Variants in LINGO2 observed in about 807,000 individuals in gnomAD.
LINGO2 encodes leucine rich repeat and Ig domain containing 2.
Under a neutral mutation model 30.6 loss-of-function variants are expected in LINGO2, and 14 were observed. That is an observed-to-expected ratio of 0.46 (90% CI 0.30 to 0.72). LINGO2 has a LOEUF of 0.72. LINGO2 is among the 30% of genes least tolerant of loss of function. The pLI is 0.07. For missense variants in LINGO2, 729 were observed against 751.7 expected, an observed-to-expected ratio of 0.97 and a Z score of 0.35; for synonymous variants, 317 against 288.5, an observed-to-expected ratio of 1.10 and a Z score of -1.00.
At chr9:28,907,840 T>C in the LINGO2 span, among the ~76,000 whole-genome samples, 3 of 151,554 alleles carry the variant, frequency 2.0e-5, no homozygotes, top group Non-Finnish European at 4.4e-5. Context: ...TTGAAGAAAT[T>C]GCATTCGAGA....
chr9:28,823,622 A>G, the LINGO2 span, among the ~76,000 whole-genome samples: 1 of 152,198 alleles, frequency 6.6e-6, no homozygotes, highest in Non-Finnish European at 1.5e-5. Flanking sequence ...AGAAAGCCTA[A>G]GATGCCTTGG....
chr9:27,952,188 TTTC>T (rs1414574714), intron 5 of LINGO2, among the ~76,000 whole-genome samples: 4 of 151,998 alleles, frequency 2.6e-5, no homozygotes, highest in African/African-American at 9.7e-5. Flanking sequence ...TAAAAAAAAT[TTTC>T]TTGTCTACAC....
chr9:28,373,147 C>T (rs1253230487), intron 2 of LINGO2, among the ~76,000 whole-genome samples: 1 of 151,870 alleles, frequency 6.6e-6, no homozygotes, highest in African/African-American at 2.4e-5. Flanking sequence ...AGTAAAAATG[C>T]AGAGGGGATG....
At chr9:28,836,895 T>C in the LINGO2 span, among the ~76,000 whole-genome samples, 4 of 152,202 alleles carry the variant, frequency 2.6e-5, no homozygotes, top group African/African-American at 7.2e-5. Context: ...TCCTAACACA[T>C]TGCAATTCTA....
At chr9:28,135,594 T>C (rs1827495542) in intron 4 of LINGO2, among the ~76,000 whole-genome samples, 1 of 152,090 alleles carries the variant, frequency 6.6e-6, no homozygotes, top group South Asian at 2.1e-4. Context: ...TGATGAATTC[T>C]AAAATGAAAG....
At chr9:29,053,194 G>GA in the LINGO2 span, among the ~76,000 whole-genome samples, 537 of 149,898 alleles carry the variant, frequency 3.6e-3, 3 homozygotes, top group African/African-American at 8.8e-3. Flanking sequence ...CCCTAAATGT[G>GA]AAAAAAAAAT....
At chr9:28,620,555 T>C (rs1826344273) in intron 1 of LINGO2, among the ~76,000 whole-genome samples, 1 of 152,114 alleles carries the variant, frequency 6.6e-6, no homozygotes, top group Non-Finnish European at 1.5e-5. Flanking sequence ...GTTTGTCATA[T>C]ACATCAGTGA....
At chr9:28,874,443 T>A in the LINGO2 span, among the ~76,000 whole-genome samples, 2 of 152,098 alleles carry the variant, frequency 1.3e-5, no homozygotes, top group Admixed American at 1.3e-4. Flanking sequence ...TCGAGCACTG[T>A]TTTTAAGTGT....
chr9:28,574,383 C>G (rs1024231957), intron 1 of LINGO2, among the ~76,000 whole-genome samples: 19 of 152,278 alleles, frequency 1.2e-4, no homozygotes, highest in Middle Eastern at 3.4e-3. Context: ...AAATCTCAGC[C>G]ATTTGTTTCC....
intron 1 of LINGO2, among the ~76,000 whole-genome samples, chr9:28,598,187 T>C (rs1825282014): frequency 6.6e-6 from 1 of 152,014 alleles, no homozygotes. Flanking sequence ...CAAAGGAAAC[T>C]TATCTAAAAG....
At chr9:28,058,354 T>C (rs1825025275) in intron 4 of LINGO2, among the ~76,000 whole-genome samples, 1 of 152,184 alleles carries the variant, frequency 6.6e-6, no homozygotes, top group East Asian at 1.9e-4. Context: ...ATATACAACA[T>C]GCTCATTGTC....
intron 5 of LINGO2, among the ~76,000 whole-genome samples, chr9:28,010,479 C>T (rs1195680858): frequency 6.6e-6 from 1 of 152,036 alleles, no homozygotes; most frequent in South Asian, 2.1e-4. Flanking sequence ...TGAATAAAAT[C>T]TTACATGGAA....
chr9:29,026,140 C>T, the LINGO2 span, among the ~76,000 whole-genome samples: 1 of 151,964 alleles, frequency 6.6e-6, no homozygotes, highest in Non-Finnish European at 1.5e-5. Context: ...TCAAGTGAAC[C>T]TCCCACCTCA....
the LINGO2 span, among the ~76,000 whole-genome samples, chr9:28,895,411 G>T: frequency 2.4e-4 from 37 of 152,174 alleles, no homozygotes; most frequent in South Asian, 7.2e-3. Flanking sequence ...AGAGACCGTG[G>T]CAACCTTCCA....
chr9:28,693,197 T>G, the LINGO2 span, among the ~76,000 whole-genome samples: 1 of 152,158 alleles, frequency 6.6e-6, no homozygotes, highest in African/African-American at 2.4e-5. Flanking sequence ...ATTTTACATG[T>G]GATTTTTGTT....
At chr9:29,137,059 T>A in the LINGO2 span, among the ~76,000 whole-genome samples, 2 of 152,252 alleles carry the variant, frequency 1.3e-5, no homozygotes, top group Admixed American at 1.3e-4. Flanking sequence ...AAAAAATACA[T>A]GCCAAACCCA....
At chr9:28,203,144 G>C (rs1820294859) in intron 4 of LINGO2, among the ~76,000 whole-genome samples, 1 of 152,122 alleles carries the variant, frequency 6.6e-6, no homozygotes, top group South Asian at 2.1e-4. Flanking sequence ...AATATGCAGT[G>C]AACTAAATTA....
At chr9:28,392,720 A>T (rs1821889398) in intron 2 of LINGO2, among the ~76,000 whole-genome samples, 1 of 152,114 alleles carries the variant, frequency 6.6e-6, no homozygotes, top group Non-Finnish European at 1.5e-5. Flanking sequence ...TGTTGAGATT[A>T]TCTAAGGGCC....
At chr9:28,664,774 T>C (rs750514584) in intron 1 of LINGO2, among the ~76,000 whole-genome samples, 1 of 151,934 alleles carries the variant, frequency 6.6e-6, no homozygotes, top group Non-Finnish European at 1.5e-5. Flanking sequence ...GACCTTGTTA[T>C]AATTCAGGTC....
Sources: allele counts gnomAD v4.1 joint callset (sites outside exome capture counted in the v4.1 genomes callset), GRCh38; gene constraint gnomAD v4.1.1; transcripts MANE v1.5; gene names NCBI Gene and HGNC (gene_info 2026-07-23, HGNC 2026-07-21).